Variants in RBFOX1 observed in about 807,000 individuals in gnomAD.
The protein encoded by RBFOX1 is RNA binding fox-1 homolog 1.
Under a neutral mutation model 57.7 loss-of-function variants are expected in RBFOX1, and 8 were observed. The ratio of observed to expected loss-of-function variants is 0.14; its 90% CI spans 0.08 to 0.25. The LOEUF (loss-of-function observed/expected upper bound fraction) is 0.25, where lower values mean the gene tolerates loss of function less well. RBFOX1 is among the 10% of genes least tolerant of loss of function. The probability of loss-of-function intolerance (pLI) is 1.00; values close to 1 mark genes in which losing one functional copy is unlikely to be tolerated. For missense variants in RBFOX1, 611 were observed against 548.5 expected, an observed-to-expected ratio of 1.11 and a Z score of -1.14; for synonymous variants, 326 against 222.4, an observed-to-expected ratio of 1.47 and a Z score of -4.15.
At chr16:6,723,327 T>TTCACCGAGCATAGGCAGGTTA (rs1305784608) in intron 3 of RBFOX1, among the ~76,000 whole-genome samples, 4 of 152,282 alleles carry the variant, frequency 2.6e-5, no homozygotes, top group Admixed American at 6.5e-5. Flanking sequence ...GTCGTGAGAA[T>TTCACCGAGCATAGGCAGGTTA]TCACCGAGCA....
chr16:6,257,410 TTTC>T (rs1057220884), intron 1 of RBFOX1, among the ~76,000 whole-genome samples: 2 of 152,124 alleles, frequency 1.3e-5, no homozygotes, highest in African/African-American at 4.8e-5. Context: ...TGATGTTGAA[TTTC>T]TTCTTCTTCT....
chr16:6,289,508 C>T (rs1002381489), intron 1 of RBFOX1, among the ~76,000 whole-genome samples: 1 of 152,140 alleles, frequency 6.6e-6, no homozygotes, highest in Non-Finnish European at 1.5e-5. Context: ...CTTGAGTCGG[C>T]TAATGCTATG....
chr16:6,074,696 G>C (rs1314158597), intron 1 of RBFOX1, among the ~76,000 whole-genome samples: 5 of 152,198 alleles, frequency 3.3e-5, no homozygotes, highest in Admixed American at 2.6e-4. Context: ...GACAGCAGAG[G>C]TAAGGGAGGA....
At chr16:7,192,044 A>T (rs901061143) in intron 4 of RBFOX1, among the ~76,000 whole-genome samples, 10 of 152,202 alleles carry the variant, frequency 6.6e-5, no homozygotes, top group Non-Finnish European at 1.5e-4. Flanking sequence ...ACAGTTTTTA[A>T]TCTATTGATG....
intron 2 of RBFOX1, among the ~76,000 whole-genome samples, chr16:6,531,541 C>A (rs114452338): frequency 1.3e-5 from 2 of 152,120 alleles, no homozygotes; most frequent in South Asian, 2.1e-4. Context: ...ATTTTAATAT[C>A]ATTGGCTTTT....
rs201356282 is a variant in RBFOX1, at chr16:5,299,268, C to CT, written c.219+59171dup. Among the ~76,000 whole-genome samples, 291 of 151,582 alleles carry CT rather than the reference C, an allele frequency of 1.9e-3. 1 individual carries two copies. Among genetic ancestry groups the CT allele is most frequent in the African/African-American group, 6.6e-3 (272 of 41,336 alleles). ...ATACTGTGTATATCAGTGGTTCGTT[C>CT]TTTTTTTTGTCACATCTAGTTGATA... On this transcript the variant is annotated intron_variant, in intron 1 of 2. Transcript: ENST00000585867.
chr16:7,429,012 T>C (rs937744312), intron 4 of RBFOX1, among the ~76,000 whole-genome samples: 2 of 152,156 alleles, frequency 1.3e-5, no homozygotes, highest in African/African-American at 4.8e-5. Context: ...TTGTTGTCCT[T>C]GATTCTACTG....
chr16:6,555,635 G>T (rs2153890946), intron 2 of RBFOX1, among the ~76,000 whole-genome samples: 1 of 152,184 alleles, frequency 6.6e-6, no homozygotes, highest in Non-Finnish European at 1.5e-5. Flanking sequence ...GGGAGGCAGA[G>T]CTTGCCGTGA....
chr16:6,579,839 G>C (rs1256401654), intron 2 of RBFOX1, among the ~76,000 whole-genome samples: 5 of 152,208 alleles, frequency 3.3e-5, no homozygotes, highest in South Asian at 2.1e-4. Flanking sequence ...TCCCATATCA[G>C]CCTCCTAAAG....
chr16:5,403,720 A>G (rs898259659), intron 1 of RBFOX1, among the ~76,000 whole-genome samples: 4 of 152,172 alleles, frequency 2.6e-5, no homozygotes, highest in African/African-American at 4.8e-5. Flanking sequence ...TGCTGGGGTT[A>G]CAGGCATGAG....
Position 5,797,645 on chromosome 16 carries a change from C to T in RBFOX1, c.319-69658C>T, listed in dbSNP as rs530299351. On this transcript the variant is annotated intron_variant, in intron 3 of 19. Transcript: ENST00000641259. ...TGCTTGAAATATTTGAAAGAGCCAG[C>T]TTGGCCCATCTTCAAATATTTTGTT... 8.5e-5 allele frequency among the ~76,000 whole-genome samples: 13 copies of T among 152,314 alleles called. No individual in the cohort carries two copies. In the South Asian group the frequency reaches 1.9e-3, roughly 22 times the overall value.
intron 4 of RBFOX1, among the ~76,000 whole-genome samples, chr16:6,009,735 T>G (rs1002198149): frequency 1.3e-5 from 2 of 152,078 alleles, no homozygotes; most frequent in Non-Finnish European, 2.9e-5. Flanking sequence ...TATTCTGTTG[T>G]TGGACAAAAT....
intron 3 of RBFOX1, among the ~76,000 whole-genome samples, chr16:6,780,128 T>C (rs866504183): frequency 1.2e-4 from 5 of 40,066 alleles, no homozygotes; most frequent in African/African-American, 1.6e-4. Context: ...TTTATATATA[T>C]ATTTATATAT....
At chr16:5,771,887 G>C (rs80294799) in intron 3 of RBFOX1, among the ~76,000 whole-genome samples, 4 of 152,250 alleles carry the variant, frequency 2.6e-5, no homozygotes, top group Non-Finnish European at 5.9e-5. Context: ...AAAAAGGCTA[G>C]TTTGGGCTGG....
At chr16:7,433,174 TTC>T (rs2098695710) in intron 4 of RBFOX1, among the ~76,000 whole-genome samples, 1 of 152,220 alleles carries the variant, frequency 6.6e-6, no homozygotes, top group South Asian at 2.1e-4. Context: ...CTTCTGGGAC[TTC>T]TTAGGAGGAA....
chr16:5,924,523 C>G (rs924434045), intron 4 of RBFOX1, among the ~76,000 whole-genome samples: 1 of 152,170 alleles, frequency 6.6e-6, no homozygotes, highest in Admixed American at 6.5e-5. Context: ...CCCTCTCTCT[C>G]TTGCCTTCTC....
At chr16:5,740,681 C>G (rs1028527322) in intron 3 of RBFOX1, among the ~76,000 whole-genome samples, 1 of 152,190 alleles carries the variant, frequency 6.6e-6, no homozygotes, top group Non-Finnish European at 1.5e-5. Flanking sequence ...TCTCTTGACT[C>G]TACTTCCCAT....
chr16:5,764,527 T>C (rs2053708534), intron 3 of RBFOX1, among the ~76,000 whole-genome samples: 1 of 152,202 alleles, frequency 6.6e-6, no homozygotes, highest in African/African-American at 2.4e-5. Flanking sequence ...AAGAATGGCT[T>C]AACACAGCTT....
chr16:6,909,604 C>T (rs181413345), intron 3 of RBFOX1, among the ~76,000 whole-genome samples: 120 of 152,332 alleles, frequency 7.9e-4, no homozygotes, highest in African/African-American at 2.6e-3. Flanking sequence ...GACATGTAAT[C>T]TCCCCAAGCC....
Sources: allele counts gnomAD v4.1 joint callset (sites outside exome capture counted in the v4.1 genomes callset), GRCh38; gene constraint gnomAD v4.1.1; transcripts MANE v1.5; gene names NCBI Gene and HGNC (gene_info 2026-07-23, HGNC 2026-07-21).